The following RYR2 variants were observed in gnomAD, a reference collection of about 807,000 sequenced individuals.
RYR2 encodes the protein ryanodine receptor 2.
RYR2 carries 227 observed loss-of-function variants against 601.1 expected under a neutral mutation model. The observed-to-expected ratio is 0.38, with a 90% CI of 0.34 to 0.42. RYR2 has a LOEUF of 0.42. Ranked by LOEUF, RYR2 falls within the 10% of genes least tolerant of loss-of-function variation. RYR2 has a pLI of 1.00. For synonymous variants in RYR2, 2,223 were observed against 2,175.1 expected, an observed-to-expected ratio of 1.02 and a Z score of -0.61; for missense variants, 4,646 against 6,156.5, an observed-to-expected ratio of 0.75 and a Z score of 8.21.
intron 10 of RYR2, among the ~76,000 whole-genome samples, chr1:237,406,320 T>C (rs899159640): frequency 6.7e-6 from 1 of 150,354 alleles, no homozygotes; most frequent in African/African-American, 2.5e-5. Flanking sequence ...AAACTGTACA[T>C]TCGTGGATAC....
chr1:237,515,918 T>TC, intron 24 of RYR2, among the ~76,000 whole-genome samples: 1 of 102,326 alleles, frequency 9.8e-6, no homozygotes, highest in African/African-American at 4.0e-5. Flanking sequence ...CTCTTCTCCC[T>TC]CTCCCTCTTC....
intron 74 of RYR2, among the ~76,000 whole-genome samples, chr1:237,724,913 A>T (rs1288824592): frequency 6.6e-6 from 1 of 152,158 alleles, no homozygotes; most frequent in Non-Finnish European, 1.5e-5. Flanking sequence ...TCATAAATAT[A>T]TCCAATCATG....
At chr1:237,509,032 G>A (rs1468367637) in intron 23 of RYR2, among the ~76,000 whole-genome samples, 2 of 152,042 alleles carry the variant, frequency 1.3e-5, no homozygotes, top group Non-Finnish European at 2.9e-5. Context: ...GTGAGCCACC[G>A]CGCCCGGCCA....
chr1:237,590,912 C>T lies in RYR2; in HGVS notation c.4080C>T (p.Asp1360=). 6.2e-7 allele frequency: 1 copy of T among 1,613,744 alleles called. No individual in the cohort carries two copies. The highest frequency in any genetic ancestry group is 8.5e-7 in the Non-Finnish European group (1 of 1,179,812). ...AHGHLVPDRV[D]KDKEATKPEF... ...GCCATCTAGTGCCCGATCGTGTTGACAAAGACAAAGAAGCTACTAAACCAG... is the reference window on the plus strand; with the variant it reads ...GCCATCTAGTGCCCGATCGTGTTGATAAAGACAAAGAAGCTACTAAACCAG... Residue 1360 remains aspartate (D), a synonymous_variant, in exon 31 of 105, where the codon GAC becomes GAT. Coordinates refer to ENST00000366574, the MANE Select transcript of RYR2 (RefSeq NM_001035.3).
intron 6 of RYR2, among the ~76,000 whole-genome samples, chr1:237,372,028 A>G (rs751270707): frequency 1.9e-4 from 29 of 152,206 alleles, no homozygotes; most frequent in Non-Finnish European, 1.8e-4. Context: ...CATTGGGCAC[A>G]TGTACCCTAG....
At chr1:237,313,607 AATT>A (rs1231095593) in intron 2 of RYR2, among the ~76,000 whole-genome samples, 1 of 152,188 alleles carries the variant, frequency 6.6e-6, no homozygotes, top group Non-Finnish European at 1.5e-5. Flanking sequence ...ACTTTAGCCT[AATT>A]ACACTAATTT....
chr1:237,687,357 T>C (rs1686493261), intron 62 of RYR2, 98 bp from the exon 63 acceptor site: 1 of 666,652 alleles, frequency 1.5e-6, no homozygotes, highest in Non-Finnish European at 2.4e-6. Flanking sequence ...TTTTTTCTTT[T>C]TTCTTCTTCT....
At chr1:237,084,062 G>A (rs58773141) in intron 1 of RYR2, among the ~76,000 whole-genome samples, 37,244 of 151,968 alleles carry the variant, frequency 0.25, 4,849 homozygotes, top group African/African-American at 0.34. Flanking sequence ...CACTGTCCAA[G>A]TGTGAATGCC....
chr1:237,357,734 G>A (rs1699422765), intron 4 of RYR2, among the ~76,000 whole-genome samples: 1 of 152,152 alleles, frequency 6.6e-6, no homozygotes, highest in African/African-American at 2.4e-5. Flanking sequence ...AGTTTGCCAA[G>A]TGACTGGCTT....
rs180916191 is a variant in RYR2 at position 237,678,311 on chromosome 1, G to T, written c.8895+199G>T. ...AGACTTTAACTCTGCATTCCCTACCGCATTCCTTCTTCAAATGACTTCATT... is the reference window on the plus strand; with the variant it reads ...AGACTTTAACTCTGCATTCCCTACCTCATTCCTTCTTCAAATGACTTCATT... On this transcript the variant is annotated intron_variant, in intron 61 of 104. Coordinates refer to ENST00000366574, the MANE Select transcript of RYR2 (RefSeq NM_001035.3). Among the ~76,000 whole-genome samples the T allele has an allele frequency of 2.6e-5, 4 of 152,184 alleles. No homozygotes were observed. The East Asian group carries it at 7.7e-4, about 29-fold the overall frequency.
At chr1:237,664,125 T>A (rs1684063339) in intron 56 of RYR2, among the ~76,000 whole-genome samples, 1 of 152,210 alleles carries the variant, frequency 6.6e-6, no homozygotes, top group South Asian at 2.1e-4. Flanking sequence ...GTACTACACA[T>A]GTAGGACAAA....
At chr1:237,285,166 T>A (rs1346212268) in intron 2 of RYR2, among the ~76,000 whole-genome samples, 2 of 152,136 alleles carry the variant, frequency 1.3e-5, no homozygotes, top group Non-Finnish European at 2.9e-5. Context: ...GGCTGAGGGT[T>A]TGTCTTAGAT....
At chr1:237,193,631 G>A (rs941796574) in intron 1 of RYR2, among the ~76,000 whole-genome samples, 2 of 152,074 alleles carry the variant, frequency 1.3e-5, no homozygotes, top group African/African-American at 4.8e-5. Context: ...TTTTGAAGGG[G>A]TGAGGGGGAA....
intron 2 of RYR2, among the ~76,000 whole-genome samples, chr1:237,283,145 TC>T (rs112093736): frequency 2.1e-3 from 316 of 152,330 alleles, no homozygotes; most frequent in African/African-American, 7.3e-3. Context: ...GAAGGAAGTC[TC>T]TTCATTGTTT....
At chr1:237,441,579 G>T in intron 13 of RYR2, 96 bp downstream of exon 13, 2 of 1,191,038 alleles carry the variant, frequency 1.7e-6, no homozygotes, top group Non-Finnish European at 2.3e-6. Context: ...TTAGTCACCT[G>T]CAAAAGTTCA....
chr1:237,594,892 T>TTG (rs1675657412), intron 33 of RYR2, among the ~76,000 whole-genome samples: 1 of 14,994 alleles, frequency 6.7e-5, no homozygotes, highest in Admixed American at 1.4e-3. Flanking sequence ...CTGGGTTTTT[T>TTG]TTTTTTTTTT....
intron 23 of RYR2, among the ~76,000 whole-genome samples, chr1:237,509,236 T>C: frequency 6.6e-6 from 1 of 152,186 alleles, no homozygotes; most frequent in East Asian, 1.9e-4. Flanking sequence ...GGAGGTGTTC[T>C]CTCATCTAAT....
intron 2 of RYR2, among the ~76,000 whole-genome samples, chr1:237,289,828 C>T (rs916693263): frequency 2.6e-5 from 4 of 152,094 alleles, no homozygotes; most frequent in African/African-American, 7.2e-5. Flanking sequence ...AAATTTGGTA[C>T]AGAAGGAAAT....
chr1:237,823,164 C>T (rs1160959357), intron 101 of RYR2, among the ~76,000 whole-genome samples: 1 of 152,178 alleles, frequency 6.6e-6, no homozygotes, highest in Admixed American at 6.5e-5. Flanking sequence ...TTGAACTCAG[C>T]TCTGGACCAA....
Sources: allele counts gnomAD v4.1 joint callset (sites outside exome capture counted in the v4.1 genomes callset), GRCh38; gene constraint gnomAD v4.1.1; transcripts MANE v1.5; gene names NCBI Gene and HGNC (gene_info 2026-07-23, HGNC 2026-07-21).